The following TEX15 variants were observed in gnomAD, a reference collection of about 807,000 sequenced individuals.
TEX15 encodes testis expressed 15, meiosis and synapsis associated, also known as testis-expressed protein 15.
Under a neutral mutation model 237.3 loss-of-function variants are expected in TEX15, and 171 were observed. That is an observed-to-expected ratio of 0.72 (90% CI 0.64 to 0.82). The LOEUF is 0.82. TEX15 is among the 40% of genes least tolerant of loss of function. The pLI is 0.00. For missense variants in TEX15, 3,750 were observed against 3,646.5 expected (o/e 1.03, Z -0.73); for synonymous variants, 1,338 against 1,269.8 (o/e 1.05, Z -1.14).
Position 30,843,743 on chromosome 8 carries a change from A to G in TEX15, c.6424T>C (p.Leu2142=). The G allele has an allele frequency of 6.2e-7, 1 of 1,613,430 alleles. No homozygotes were observed. The highest frequency in any genetic ancestry group is 8.5e-7 in the Non-Finnish European group (1 of 1,179,646). The change falls in exon 8 of 11, where the codon TTA becomes CTA. Residue 2142 remains leucine (L), a synonymous_variant. Transcript: ENST00000643185. ...ACTAATTGATCATGGTAAGTCTGTAACTCACAGAATGCATTATATTTTAAT... is the reference window on the plus strand; with the variant it reads ...ACTAATTGATCATGGTAAGTCTGTAGCTCACAGAATGCATTATATTTTAAT... ...GRLKYNAFCE[L]QTYHDQLVEL... is the part of the protein sequence containing the mutation.
intron 3 of TEX15, among the ~76,000 whole-genome samples, chr8:30,876,749 A>T (rs76193417): frequency 0.12 from 17,722 of 152,164 alleles, 1,722 homozygotes; most frequent in African/African-American, 0.27. Context: ...AAGTAGTGAA[A>T]TCACCAACAA....
At chr8:30,878,915 T>C (rs948315837) in intron 3 of TEX15, among the ~76,000 whole-genome samples, 8 of 152,228 alleles carry the variant, frequency 5.3e-5, no homozygotes, top group Admixed American at 1.3e-4. Context: ...AAGTGAGTTG[T>C]TGTCTCCCAT....
rs1381553548 is a variant in TEX15, at chr8:30,837,952, G to A, written c.8332C>T (p.Pro2778Ser). 3 of 1,614,124 alleles carry A rather than the reference G, an allele frequency of 1.9e-6. No homozygotes were observed. Among genetic ancestry groups the A allele is most frequent in the South Asian group, 2.2e-5 (2 of 91,082 alleles). Residue 2778 changes from proline (P) to serine (S), a missense_variant, in exon 10 of 11, where the codon CCT (proline) becomes TCT (serine). Transcript: ENST00000643185. ...PKKVEMQRSL[P>S]GSLLPLENPK... Reference sequence around the variant, plus strand: ...TTCTCTAAGGGTAAAAGTGAGCCAGGTAGTGATCTTTGCATTTCAACCTTT... The same window carrying A: ...TTCTCTAAGGGTAAAAGTGAGCCAGATAGTGATCTTTGCATTTCAACCTTT...
intron 3 of TEX15, among the ~76,000 whole-genome samples, chr8:30,881,863 T>C (rs748822571): frequency 3.3e-5 from 5 of 152,048 alleles, no homozygotes; most frequent in Non-Finnish European, 7.4e-5. Flanking sequence ...ACTCAGGCAA[T>C]CCACCTGCCT....
intron 5 of TEX15, 29 bp downstream of exon 5, chr8:30,867,236 A>T: frequency 9.1e-7 from 1 of 1,097,310 alleles, no homozygotes; most frequent in African/African-American, 1.6e-5. Context: ...AACTGTCCAT[A>T]TACTTAATAT....
At chr8:30,834,646 CGA>C (rs1372934532) in intron 10 of TEX15, among the ~76,000 whole-genome samples, 2 of 152,098 alleles carry the variant, frequency 1.3e-5, no homozygotes, top group African/African-American at 4.8e-5. Context: ...TACAGAAGTA[CGA>C]GAGAGATTGT....
At chr8:30,868,169 C>G (rs753024238) in intron 4 of TEX15, among the ~76,000 whole-genome samples, 1 of 151,984 alleles carries the variant, frequency 6.6e-6, no homozygotes, top group Non-Finnish European at 1.5e-5. Context: ...AGGATCTTAT[C>G]TTAGGTAAAG....
At chr8:30,883,552 G>A (rs777324749) in intron 3 of TEX15, among the ~76,000 whole-genome samples, 5 of 151,808 alleles carry the variant, frequency 3.3e-5, no homozygotes, top group Admixed American at 2.0e-4. Flanking sequence ...TTCCCTCCCC[G>A]TGTCCATGTG....
chr8:30,841,482 A>G (rs1807451240), intron 8 of TEX15, among the ~76,000 whole-genome samples: 1 of 152,384 alleles, frequency 6.6e-6, no homozygotes, highest in South Asian at 2.1e-4. Flanking sequence ...TGCCAAGTAC[A>G]TATTAAATGC....
At chr8:30,876,253 A>T (rs1563263683) in intron 3 of TEX15, among the ~76,000 whole-genome samples, 1 of 152,264 alleles carries the variant, frequency 6.6e-6, no homozygotes, top group East Asian at 1.9e-4. Context: ...CTGGTTATTT[A>T]AAAAAATTCT....
At chr8:30,875,251 C>T (rs1808376922) in intron 3 of TEX15, 149 bp from the exon 4 acceptor site, 7 of 452,070 alleles carry the variant, frequency 1.5e-5, no homozygotes. Context: ...TAAGATTCTA[C>T]AACAGTAATG....
intron 5 of TEX15, among the ~76,000 whole-genome samples, chr8:30,862,211 TA>T (rs1808065955): frequency 6.6e-6 from 1 of 152,158 alleles, no homozygotes; most frequent in South Asian, 2.1e-4. Context: ...AAAATGTACC[TA>T]AAAGGATAAT....
Position 30,887,167 on chromosome 8 carries a change from C to A in TEX15, c.136G>T (p.Val46Phe). The A allele has an allele frequency of 6.6e-7, 1 of 1,526,334 alleles. No homozygotes were observed. 94.5% of individuals were successfully genotyped at this position (1,526,334 alleles called of 1,614,324 possible). Residue 46 changes from valine to phenylalanine, a missense_variant and splice_region_variant, in exon 3 of 11, where the codon GTT becomes TTT. By Grantham distance (50) the Val-to-Phe change is conservative. Transcript: ENST00000643185. ...AAATTCCCAACCACAGAAATATTAC[C>A]TTTCTCAGCTGTCCTCCTGATCTTA... ...IPKIRRTAEK[V>F]YLSPCYTNSR...
At chr8:30,912,471 C>G (rs1273633020) in intron 1 of TEX15, among the ~76,000 whole-genome samples, 1 of 152,216 alleles carries the variant, frequency 6.6e-6, no homozygotes, top group Non-Finnish European at 1.5e-5. Flanking sequence ...AGGCGGAGGC[C>G]ACCACCAAGT....
chr8:30,848,556 ATTACCTTGGTCC>A lies in TEX15; in HGVS notation c.1599_1610del (p.Lys533_Gly536del). 1 of 1,614,036 alleles carries A rather than the reference ATTACCTTGGTCC, an allele frequency of 6.2e-7. No individual in the cohort carries two copies. Among genetic ancestry groups the A allele is most frequent in the Non-Finnish European group, 8.5e-7 (1 of 1,180,000 alleles). ...TTGACACAGAAATTGGGAAGGAAAA[ATTACCTTGGTCC>A]TTACATTGCCCTGCCATGGTAACTT... On this transcript the variant is annotated inframe_deletion, in exon 8 of 11. Transcript: ENST00000643185.
chr8:30,908,711 T>G (rs951160220), intron 1 of TEX15, among the ~76,000 whole-genome samples: 4 of 152,246 alleles, frequency 2.6e-5, no homozygotes, highest in Non-Finnish European at 5.9e-5. Flanking sequence ...TTCATAAAAC[T>G]GAAATGTGTT....
chr8:30,867,319 G>C lies in TEX15; in HGVS notation c.486C>G (p.Ala162=). Residue 162 remains alanine, a synonymous_variant, in exon 5 of 11, where the codon GCC becomes GCG. Coordinates refer to ENST00000643185, the MANE Select transcript of TEX15 (RefSeq NM_001350162.2). ...TGCTTTGACTATGAGAATAATTCAA[G>C]GCAATATCAACATGTCTAAACATAT... ...GIYMFRHVDI[A]LNYSHSQSIT... 1 of 1,522,886 alleles carries C rather than the reference G, an allele frequency of 6.6e-7. No individual in the cohort carries two copies. Among genetic ancestry groups the C allele is most frequent in the Non-Finnish European group, 8.8e-7 (1 of 1,135,214 alleles). The allele number at this position is 1,522,886 out of a possible 1,614,324, so 94.3% of individuals were successfully genotyped here.
At chr8:30,878,287 T>C (rs970557884) in intron 3 of TEX15, among the ~76,000 whole-genome samples, 9 of 152,242 alleles carry the variant, frequency 5.9e-5, no homozygotes, top group African/African-American at 1.9e-4. Flanking sequence ...GCTGTGTACA[T>C]TCATGTATAG....
At chr8:30,896,416 T>C (rs1475986998) in intron 2 of TEX15, among the ~76,000 whole-genome samples, 11 of 152,158 alleles carry the variant, frequency 7.2e-5, no homozygotes, top group Admixed American at 6.5e-4. Flanking sequence ...CCAAATTCTG[T>C]TGGAGAAGAT....
Sources: gnomAD v4.1 joint callset for allele counts (sites outside exome capture counted in the v4.1 genomes callset) on GRCh38, gnomAD v4.1.1 for gene constraint, MANE v1.5 for transcripts, NCBI Gene and HGNC (gene_info 2026-07-23, HGNC 2026-07-21) for gene names.